The following COL17A1 variants were observed in gnomAD, a reference collection of about 807,000 sequenced individuals.
The protein encoded by COL17A1 is collagen alpha-1(XVII) chain.
In COL17A1, 181 loss-of-function variants were observed where a neutral mutation model predicts 218.4. The observed-to-expected ratio is 0.83, with a 90% CI of 0.73 to 0.94. The LOEUF (loss-of-function observed/expected upper bound fraction) is 0.94. Ranked by LOEUF, COL17A1 falls within the 40% of genes least tolerant of loss-of-function variation. The pLI is 0.00. For synonymous variants in COL17A1, 721 were observed against 731.0 expected (o/e 0.99, Z 0.22); for missense variants, 1,924 against 1,945.9 (o/e 0.99, Z 0.21).
chr10:104,069,050 T>A (rs1191286536), intron 9 of COL17A1, among the ~76,000 whole-genome samples: 2 of 152,220 alleles, frequency 1.3e-5, no homozygotes, highest in Non-Finnish European at 2.9e-5. Context: ...TAGGGATCTA[T>A]ACCCTTGCTA....
In COL17A1 at chr10:104,052,173, C is replaced by T; in HGVS notation, c.1984G>A (p.Gly662Ser). ...GACTTACCTTTGGGACCCACAGAACCTGGGACACCAGGTGGGCCATGAGGA... is the reference window on the plus strand; with the variant it reads ...GACTTACCTTTGGGACCCACAGAACTTGGGACACCAGGTGGGCCATGAGGA... ...PGPHGPPGVP[G>S]SVGPKGSSGS... is the part of the protein sequence containing the mutation. The change falls in exon 24 of 56, where the codon GGT becomes AGT. Residue 662 changes from glycine to serine, a missense_variant. Physicochemically the swap from Gly to Ser is moderately conservative, Grantham distance 56. Transcript: ENST00000648076. 1 of 1,614,154 alleles carries T rather than the reference C, an allele frequency of 6.2e-7. No homozygotes were observed. Among genetic ancestry groups the T allele is most frequent in the Non-Finnish European group, 8.5e-7 (1 of 1,180,014 alleles).
chr10:104,062,114 C>G (rs1025273131), intron 12 of COL17A1, 144 bp downstream of exon 12: 6 of 1,291,800 alleles, frequency 4.6e-6, no homozygotes, highest in Non-Finnish European at 4.4e-6. Context: ...AGTTAATGAT[C>G]AAGATTGATA....
rs754437607 is a variant in COL17A1 at position 104,064,526 on chromosome 10, G to A, written c.678C>T (p.Pro226=). Residue 226 remains proline (P), a synonymous_variant, in exon 10 of 56, where the codon CCC becomes CCT. Transcript: ENST00000648076. ...LPSHVWSSTL[P]AGSSMGTYHN... ...GATAGGTCCCCATGGAGGACCCCGCGGGCAGGGTGGAGGACCACACATGGG... is the reference window on the plus strand; with the variant it reads ...GATAGGTCCCCATGGAGGACCCCGCAGGCAGGGTGGAGGACCACACATGGG... The A allele has an allele frequency of 1.6e-5, 26 of 1,613,982 alleles. No individual in the cohort carries two copies. The highest frequency in any genetic ancestry group is 1.2e-4 in the Admixed American group (7 of 60,002).
chr10:104,085,329 A>G (rs1369561491), intron 1 of COL17A1, among the ~76,000 whole-genome samples: 1 of 152,180 alleles, frequency 6.6e-6, no homozygotes, highest in Non-Finnish European at 1.5e-5. Flanking sequence ...CAGTGGAGAG[A>G]GAGACAGAGG....
chr10:104,070,278 AAGCCCTGTGCT>A, intron 9 of COL17A1, 137 bp downstream of exon 9: 1 of 1,503,476 alleles, frequency 6.7e-7, no homozygotes, highest in Admixed American at 2.0e-5. Context: ...CTATTAGGGA[AAGCCCTGTGCT>A]AGCTGGAATG....
chr10:104,056,064 C>T (rs1456848934), intron 17 of COL17A1, 61 bp from the exon 18 acceptor site: 23 of 1,589,172 alleles, frequency 1.4e-5, no homozygotes, highest in African/African-American at 4.0e-5. Flanking sequence ...TCCATACACT[C>T]GCTCCTAGTG....
chr10:104,079,927 A>AC (rs897996991), intron 2 of COL17A1, among the ~76,000 whole-genome samples: 1 of 3,330 alleles, frequency 3.0e-4, no homozygotes, highest in Non-Finnish European at 0.031. Flanking sequence ...ACTCCGTCTC[A>AC]AAAAAAAAAA....
intron 20 of COL17A1, 87 bp from the exon 21 acceptor site, chr10:104,054,205 G>A: frequency 7.1e-7 from 1 of 1,415,266 alleles, no homozygotes. Flanking sequence ...TTCAGGTAGG[G>A]TTGCCAAACT....
At position 104,072,089 on chromosome 10, in the gene COL17A1, G is replaced by A. The variant is rs541366999; in HGVS notation, c.416-10C>T. On this transcript the variant is annotated splice_polypyrimidine_tract_variant and intron_variant, in intron 7 of 55. Transcript: ENST00000648076. ...ACTCGAATTTCACTCTCTGTACAAG[G>A]GAAGAGATAGAGAAGGGTGTGAATG... 1 of 1,614,094 alleles carries A rather than the reference G, an allele frequency of 6.2e-7. No individual in the cohort carries two copies. Among genetic ancestry groups the A allele is most frequent in the South Asian group, 1.1e-5 (1 of 91,060 alleles).
intron 33 of COL17A1, among the ~76,000 whole-genome samples, chr10:104,044,430 A>C (rs1411829523): frequency 6.6e-6 from 1 of 152,238 alleles, no homozygotes; most frequent in Non-Finnish European, 1.5e-5. Context: ...TTTCGAGAAG[A>C]GGACATTCCC....
chr10:104,036,772 T>G, intron 47 of COL17A1, 140 bp from the exon 48 acceptor site: 1 of 1,082,278 alleles, frequency 9.2e-7, no homozygotes, highest in Non-Finnish European at 1.4e-6. Flanking sequence ...GACCACGGTG[T>G]TCAGGGGGGA....
rs569274162 is a variant in COL17A1 at position 104,050,554 on chromosome 10, G to A, written c.2128+67C>T. 15 of 1,611,872 alleles carry A rather than the reference G, an allele frequency of 9.3e-6. No individual in the cohort carries two copies. In the South Asian group the frequency reaches 1.4e-4, roughly 15 times the overall value. On this transcript the variant is annotated intron_variant, in intron 27 of 55. Transcript: ENST00000648076. Reference sequence around the variant, plus strand: ...GTGCACCCTCAGACCCTACAGTGAGGGTCCCATCTGGGCTCCCAGGAGTGA... The same window carrying A: ...GTGCACCCTCAGACCCTACAGTGAGAGTCCCATCTGGGCTCCCAGGAGTGA...
intron 29 of COL17A1, 91 bp from the exon 30 acceptor site, chr10:104,048,195 G>T (rs1250803791): frequency 6.3e-6 from 9 of 1,423,032 alleles, no homozygotes; most frequent in Non-Finnish European, 9.0e-6. Context: ...GAAGCACATT[G>T]TGTCCCAGGA....
chr10:104,067,779 A>C (rs1180944300), intron 9 of COL17A1, among the ~76,000 whole-genome samples: 1 of 152,184 alleles, frequency 6.6e-6, no homozygotes, highest in Non-Finnish European at 1.5e-5. Flanking sequence ...GCTGGCGCCC[A>C]GAGAAAGAAG....
rs1299216257 is a variant in COL17A1, at chr10:104,053,804, C to T, written c.1834+116G>A. On this transcript the variant is annotated intron_variant, in intron 22 of 55. Coordinates refer to ENST00000648076, the MANE Select transcript of COL17A1 (RefSeq NM_000494.4). The stretch of plus-strand genomic sequence containing the variant: ...CAGCAGGGTTTCTCTGTTTGGTTCA[C>T]TGGTGTCTCTCCAGAGCCTAAAACA... The T allele has an allele frequency of 4.1e-6, 3 of 728,480 alleles. No individual in the cohort carries two copies. The East Asian group carries it at 8.0e-5, about 19-fold the overall frequency. The allele number at this position is 728,480 out of a possible 1,614,324, so 45.1% of individuals were successfully genotyped here.
intron 47 of COL17A1, 151 bp downstream of exon 47, chr10:104,036,894 G>A (rs952165850): frequency 3.3e-5 from 28 of 843,626 alleles, no homozygotes; most frequent in Middle Eastern, 3.4e-4. Flanking sequence ...TCAGCAAGCA[G>A]ATCAGAGCAG....
intron 30 of COL17A1, 70 bp downstream of exon 30, chr10:104,047,998 GA>G (rs2086429681): frequency 6.4e-7 from 1 of 1,573,226 alleles, no homozygotes; most frequent in Non-Finnish European, 8.7e-7. Flanking sequence ...TGGTTAAGGG[GA>G]CTGAGGGCTG....
intron 25 of COL17A1, 108 bp downstream of exon 25, chr10:104,051,373 G>T (rs926740035): frequency 1.4e-6 from 2 of 1,385,708 alleles, no homozygotes; most frequent in Admixed American, 1.9e-5. Context: ...TCTCTAGGAG[G>T]CTTGCTTTAT....
At chr10:104,042,291 C>T in intron 36 of COL17A1, 129 bp downstream of exon 36, 3 of 966,024 alleles carry the variant, frequency 3.1e-6, no homozygotes, top group East Asian at 5.1e-5. Context: ...GTGAAGAGCC[C>T]TGGCCCTGTC....
Sources: allele counts gnomAD v4.1 joint callset (sites outside exome capture counted in the v4.1 genomes callset), GRCh38; gene constraint gnomAD v4.1.1; transcripts MANE v1.5; gene names NCBI Gene and HGNC (gene_info 2026-07-23, HGNC 2026-07-21).